Variants in METTL6 observed in about 807,000 individuals in gnomAD.
METTL6 encodes methyltransferase 6, tRNA N3-cytidine, also known as tRNA N(3)-cytidine methyltransferase METTL6.
METTL6 carries 22 observed loss-of-function variants against 26.4 expected under a neutral mutation model. That is an observed-to-expected ratio of 0.83 (90% CI 0.59 to 1.19). METTL6 has a LOEUF of 1.19. Ranked by LOEUF, METTL6 falls within the 50% of genes most tolerant of loss-of-function variation. METTL6 has a pLI of 0.00. For missense variants in METTL6, 304 were observed against 324.8 expected, an observed-to-expected ratio of 0.94 and a Z score of 0.49; for synonymous variants, 109 against 116.2, an observed-to-expected ratio of 0.94 and a Z score of 0.40.
rs184078566 is a variant in METTL6, at chr3:15,398,031, C to T, written c.*11+13214G>A. On this transcript the variant is annotated intron_variant, in intron 6 of 6. Transcript: ENST00000443029. The stretch of plus-strand genomic sequence containing the variant: ...TCCCTATGATTGCACCCCAACCAAT[C>T]GGCAGCAAGCACCCACTGTCTAGCC... Among the ~76,000 whole-genome samples the T allele has an allele frequency of 3.3e-4, 50 of 152,152 alleles. 1 individual carries two copies. The highest frequency in any genetic ancestry group is 1.2e-3 in the East Asian group (6 of 5,154).
At position 15,399,331 on chromosome 3, in the gene METTL6, T is replaced by C. The variant is rs1020439867; in HGVS notation, c.*11+11914A>G. 9 of 152,060 alleles carry C rather than the reference T, an allele frequency of 5.9e-5. 1 individual carries two copies. Among genetic ancestry groups the C allele is most frequent in the Admixed American group, 5.9e-4 (9 of 15,252 alleles). The allele number at this position is 152,060 out of a possible 1,614,324, so 9.4% of individuals were successfully genotyped here. On this transcript the variant is annotated intron_variant, in intron 6 of 6. Coordinates refer to the METTL6 transcript ENST00000443029. The stretch of plus-strand genomic sequence containing the variant: ...GCCACTATGCCTACAGAGTAGCCAT[T>C]CTTTTATTCCTTTACTTTCTTAGCT...
In METTL6 at chr3:15,414,040, T is replaced by C. The variant is rs1203912120; in HGVS notation, c.654A>G (p.Arg218=). The C allele has an allele frequency of 6.2e-7, 1 of 1,614,114 alleles. No individual in the cohort carries two copies. Among genetic ancestry groups the C allele is most frequent in the Non-Finnish European group, 8.5e-7 (1 of 1,180,022 alleles). ...ENFYVRQDGT[R]SYFFTDDFLA... is the part of the protein sequence containing the mutation. ...TCTTACCATCAGTAAAAAAATATGATCTGGTCCCATCTTGTCTAACATAAA... is the reference window on the plus strand; with the variant it reads ...TCTTACCATCAGTAAAAAAATATGACCTGGTCCCATCTTGTCTAACATAAA... The change falls in exon 5 of 6, where the codon AGA becomes AGG. Residue 218 remains arginine, a synonymous_variant. Coordinates refer to ENST00000383790, the MANE Select transcript of METTL6 (RefSeq NM_152396.4).
intron 6 of METTL6, among the ~76,000 whole-genome samples, chr3:15,390,350 C>A (rs564647121): frequency 6.6e-6 from 1 of 152,188 alleles, no homozygotes; most frequent in East Asian, 1.9e-4. Flanking sequence ...ATCGCTTGAA[C>A]CTGGGAAGCA....
At chr3:15,413,944 G>C (rs1559490984) in intron 5 of METTL6, 77 bp downstream of exon 5, 2 of 1,603,498 alleles carry the variant, frequency 1.2e-6, no homozygotes, top group Admixed American at 3.4e-5. Flanking sequence ...TCTCCAAGCA[G>C]CCTTGCAGTG....
intron 6 of METTL6, among the ~76,000 whole-genome samples, chr3:15,393,906 T>C (rs1699416338): frequency 1.3e-5 from 2 of 152,226 alleles, no homozygotes; most frequent in Non-Finnish European, 2.9e-5. Flanking sequence ...TCCCAGTATT[T>C]TATTGAGGAT....
intron 6 of METTL6, among the ~76,000 whole-genome samples, chr3:15,388,985 A>T (rs1217286362): frequency 1.3e-5 from 2 of 151,804 alleles, no homozygotes; most frequent in Non-Finnish European, 2.9e-5. Context: ...TCAGCCTCCT[A>T]AGTAGCTGTG....
Position 15,414,273 on chromosome 3 carries a change from A to C in METTL6, c.532-111T>G, listed in dbSNP as rs924602772. Reference sequence around the variant, plus strand: ...TGATAGTTACTAAGGGGACAGACTGAAATGCCCATAATACGGAACCAAAAT... The same window carrying C: ...TGATAGTTACTAAGGGGACAGACTGCAATGCCCATAATACGGAACCAAAAT... On this transcript the variant is annotated intron_variant, in intron 4 of 5. Transcript: ENST00000383790. 6.1e-6 allele frequency: 9 copies of C among 1,486,662 alleles called. No homozygotes were observed. In the African/African-American group the frequency reaches 1.1e-4, roughly 19 times the overall value. The allele number at this position is 1,486,662 out of a possible 1,614,324, so 92.1% of individuals were successfully genotyped here. A position where few individuals can be genotyped will look rare whatever the true frequency, so the allele number is the denominator to read the frequency against.
intron 6 of METTL6, among the ~76,000 whole-genome samples, chr3:15,402,757 A>C (rs1482567239): frequency 3.0e-5 from 4 of 135,590 alleles, no homozygotes; most frequent in Middle Eastern, 3.5e-3. Context: ...AAAGAAAAAG[A>C]AAAAAAAAAA....
downstream of METTL6, among the ~76,000 whole-genome samples, chr3:15,407,768 T>A (rs556097003): frequency 3.7e-3 from 557 of 152,326 alleles, 8 homozygotes; most frequent in Middle Eastern, 0.065. Flanking sequence ...TATGTTAAGC[T>A]ATATTATCAG....
At chr3:15,392,249 GTGA>G (rs1699369988) in intron 6 of METTL6, among the ~76,000 whole-genome samples, 1 of 152,206 alleles carries the variant, frequency 6.6e-6, no homozygotes, top group Non-Finnish European at 1.5e-5. Context: ...CTGATGGCCA[GTGA>G]TGATGAGCAT....
intron 5 of METTL6, among the ~76,000 whole-genome samples, chr3:15,412,527 C>T (rs146494107): frequency 1.1e-3 from 161 of 152,232 alleles, no homozygotes; most frequent in Non-Finnish European, 2.0e-3. Flanking sequence ...CCCTGTCGCC[C>T]AGGCTGGAGG....
downstream of METTL6, among the ~76,000 whole-genome samples, chr3:15,407,651 G>A (rs1259398563): frequency 6.6e-6 from 1 of 152,096 alleles, no homozygotes; most frequent in African/African-American, 2.4e-5. Flanking sequence ...AAAACTGACC[G>A]AAGGACCAAC....
At chr3:15,381,941 G>A (rs1229842209) in exon 7 of METTL6, 1 of 152,002 alleles carries the variant, frequency 6.6e-6, no homozygotes, top group Non-Finnish European at 1.5e-5. Flanking sequence ...CCATAATATG[G>A]GATACAAGTC....
chr3:15,386,388 G>C (rs1488012261), intron 6 of METTL6, among the ~76,000 whole-genome samples: 1 of 152,158 alleles, frequency 6.6e-6, no homozygotes, highest in Admixed American at 6.5e-5. Context: ...GGGAGAGATT[G>C]AGACAACTTT....
chr3:15,417,432 A>G (rs1700254613), intron 3 of METTL6, among the ~76,000 whole-genome samples: 1 of 151,406 alleles, frequency 6.6e-6, no homozygotes, highest in South Asian at 2.1e-4. Context: ...GCCAGCCTGC[A>G]TGATAGAGAC....
chr3:15,420,179 T>C (rs1211746951), intron 3 of METTL6, among the ~76,000 whole-genome samples: 1 of 152,214 alleles, frequency 6.6e-6, no homozygotes, highest in African/African-American at 2.4e-5. Context: ...TAAAGTATGC[T>C]ATATCCATTC....
chr3:15,411,417 T>C lies in METTL6; in HGVS notation c.694A>G (p.Met232Val). ...FTDDFLAQLF[M>V]DTGYEEVVNE... ...ACCACTTCTTCATAACCTGTGTCCA[T>C]AAAGAGCTGAGCCAGGAAGTCTGTA... The change falls in exon 6 of 6, where the codon ATG becomes GTG. Residue 232 changes from methionine (M) to valine (V), a missense_variant. By Grantham distance (21) the Met-to-Val change is conservative. Transcript: ENST00000383790. 3 of 1,613,906 alleles carry C rather than the reference T, an allele frequency of 1.9e-6. No individual in the cohort carries two copies. Among genetic ancestry groups the C allele is most frequent in the Non-Finnish European group, 2.5e-6 (3 of 1,179,938 alleles).
chr3:15,404,509 ATT>A (rs34073251), intron 6 of METTL6, among the ~76,000 whole-genome samples: 289 of 133,256 alleles, frequency 2.2e-3, no homozygotes, highest in Non-Finnish European at 2.9e-3. Flanking sequence ...TGCCCAGCTA[ATT>A]TTTTTTTTTT....
rs892596636 is a variant in METTL6, at chr3:15,415,868, A to C, written c.435T>G (p.His145Gln). 12 of 1,614,216 alleles carry C rather than the reference A, an allele frequency of 7.4e-6. No individual in the cohort carries two copies. Among genetic ancestry groups the C allele is most frequent in the Non-Finnish European group, 1.0e-5 (12 of 1,180,038 alleles). Residue 145 changes from histidine to glutamine, a missense_variant, in exon 4 of 6, where the codon CAT becomes CAG. Physicochemically the swap from His to Gln is conservative, Grantham distance 24 (BLOSUM62 0). Transcript: ENST00000383790. ...CDLTKDDLLDHVPPESVDVVM... is the reference protein window; with the variant it reads ...CDLTKDDLLDQVPPESVDVVM... ...CAACATCCACAGACTCTGGCGGTAC[A>C]TGATCCAGAAGATCATCTTTAGTCA...
Sources: gnomAD v4.1 joint callset for allele counts (sites outside exome capture counted in the v4.1 genomes callset) on GRCh38, gnomAD v4.1.1 for gene constraint, MANE v1.5 for transcripts, NCBI Gene and HGNC (gene_info 2026-07-23, HGNC 2026-07-21) for gene names.